The following PTGER4 variants were observed in gnomAD, a reference collection of about 807,000 sequenced individuals.
PTGER4 encodes the protein prostaglandin E2 receptor EP4 subtype.
Under a neutral mutation model 33.2 loss-of-function variants are expected in PTGER4, and 11 were observed. That is an observed-to-expected ratio of 0.33 (90% CI 0.21 to 0.55). The LOEUF is 0.55. Among genes scored for constraint, PTGER4 ranks in the 20% least tolerant of loss-of-function variants. PTGER4 has a pLI of 0.92. For missense variants in PTGER4, 481 were observed against 650.2 expected (o/e 0.74, Z 2.83); for synonymous variants, 275 against 281.5 (o/e 0.98, Z 0.23).
the PTGER4 span, among the ~76,000 whole-genome samples, chr5:40,727,907 C>A: frequency 2.8e-4 from 43 of 152,136 alleles, no homozygotes; most frequent in African/African-American, 9.9e-4. Context: ...TGGATTAATA[C>A]CTTTAAGAAG....
At chr5:40,724,655 C>A in the PTGER4 span, among the ~76,000 whole-genome samples, 11 of 148,720 alleles carry the variant, frequency 7.4e-5, no homozygotes, top group South Asian at 4.2e-4. Flanking sequence ...AACAAACAAA[C>A]AAAAAAAAAC....
chr5:40,697,361 G>A (rs1192331331), downstream of PTGER4, among the ~76,000 whole-genome samples: 7 of 151,982 alleles, frequency 4.6e-5, no homozygotes, highest in South Asian at 2.1e-4. Context: ...CGAGGCAGGC[G>A]GATCACCTGA....
the PTGER4 span, among the ~76,000 whole-genome samples, chr5:40,732,997 G>C: frequency 6.6e-6 from 1 of 151,994 alleles, no homozygotes; most frequent in East Asian, 1.9e-4. Context: ...AGAAAAGAGG[G>C]GACAGATGTA....
chr5:40,718,899 AAAAT>A, the PTGER4 span, among the ~76,000 whole-genome samples: 2 of 152,122 alleles, frequency 1.3e-5, no homozygotes, highest in African/African-American at 2.4e-5. Flanking sequence ...AGACTGTCTC[AAAAT>A]AAATAAATAA....
chr5:40,723,195 C>T, the PTGER4 span, among the ~76,000 whole-genome samples: 3 of 151,982 alleles, frequency 2.0e-5, no homozygotes, highest in East Asian at 1.9e-4. Context: ...GGATTAAGGG[C>T]GGTGCAAGAT....
At chr5:40,688,034 C>T (rs996195282) in intron 2 of PTGER4, among the ~76,000 whole-genome samples, 1 of 152,234 alleles carries the variant, frequency 6.6e-6, no homozygotes, top group Non-Finnish European at 1.5e-5. Flanking sequence ...TTACAACATT[C>T]CAACCTTTCT....
chr5:40,716,923 G>C, the PTGER4 span, among the ~76,000 whole-genome samples: 1 of 152,102 alleles, frequency 6.6e-6, no homozygotes, highest in Non-Finnish European at 1.5e-5. Context: ...CTACATTCTA[G>C]GCACTAAAGA....
rs747797492 is a variant in PTGER4, at chr5:40,692,189, A to C, written c.1278A>C (p.Glu426Asp). 3.1e-6 allele frequency: 5 copies of C among 1,614,126 alleles called. No individual in the cohort carries two copies. In the African/African-American group the frequency reaches 6.7e-5, roughly 22 times the overall value. The part of the protein sequence containing the change: ...PGVPGMGLAQ[E>D]DTTSLRTLRI... ...TGCCTGGCATGGGCCTGGCCCAGGA[A>C]GACACCACCTCACTGAGGACTTTGC... The change falls in exon 3 of 3, where the codon GAA (glutamate) becomes GAC (aspartate). Residue 426 changes from glutamate (E) to aspartate (D), a missense_variant. By Grantham distance (45) the Glu-to-Asp change is conservative (BLOSUM62 2). Coordinates refer to ENST00000302472, the MANE Select transcript of PTGER4 (RefSeq NM_000958.3).
At chr5:40,745,067 A>G in the PTGER4 span, among the ~76,000 whole-genome samples, 1 of 152,198 alleles carries the variant, frequency 6.6e-6, no homozygotes, top group Non-Finnish European at 1.5e-5. Flanking sequence ...AATCAAATAG[A>G]AAATTGGTCT....
At chr5:40,716,051 C>T in the PTGER4 span, 3 of 1,006,432 alleles carry the variant, frequency 3.0e-6, no homozygotes, top group Non-Finnish European at 4.3e-6. Flanking sequence ...TACAACCAGG[C>T]GTTCTCCTAT....
chr5:40,738,444 A>C, the PTGER4 span, among the ~76,000 whole-genome samples: 20,797 of 81,060 alleles, frequency 0.26, 3,341 homozygotes, highest in East Asian at 0.63. Context: ...ATATAAAATA[A>C]AATACAATAC....
Position 40,692,330 on chromosome 5 carries a change from A to C in PTGER4, c.1419A>C (p.Gln473His). 2 of 1,609,178 alleles carry C rather than the reference A, an allele frequency of 1.2e-6. No homozygotes were observed. The highest frequency in any genetic ancestry group is 1.7e-6 in the Non-Finnish European group (2 of 1,177,606). ...AGPAPKGSSLQVTFPSETLNL... is the reference protein window; with the variant it reads ...AGPAPKGSSLHVTFPSETLNL... Reference sequence around the variant, plus strand: ...CTGCCCCTAAGGGGAGCTCCCTGCAAGTCACATTTCCCAGTGAAACACTGA... The same window carrying C: ...CTGCCCCTAAGGGGAGCTCCCTGCACGTCACATTTCCCAGTGAAACACTGA... Residue 473 changes from glutamine (Q) to histidine (H), a missense_variant, in exon 3 of 3, where the codon CAA becomes CAC. Physicochemically the swap from Gln to His is conservative, Grantham distance 24 (BLOSUM62 0). Coordinates refer to ENST00000302472, the MANE Select transcript of PTGER4 (RefSeq NM_000958.3).
At chr5:40,738,648 A>G in the PTGER4 span, among the ~76,000 whole-genome samples, 5 of 151,842 alleles carry the variant, frequency 3.3e-5, no homozygotes, top group South Asian at 1.0e-3. Flanking sequence ...AGGTAAAGCT[A>G]TTTTACATTT....
the PTGER4 span, chr5:40,730,281 A>G: frequency 6.2e-7 from 1 of 1,607,610 alleles, no homozygotes; most frequent in Non-Finnish European, 8.5e-7. Flanking sequence ...CATCTCGTAT[A>G]GGGTAGCATC....
chr5:40,733,501 C>A, the PTGER4 span, among the ~76,000 whole-genome samples: 1 of 152,234 alleles, frequency 6.6e-6, no homozygotes, highest in Non-Finnish European at 1.5e-5. Flanking sequence ...ATCTACTTGG[C>A]CCAACCACTG....
In PTGER4 at chr5:40,693,329, T is replaced by A. The variant is rs187245431; in HGVS notation, c.*951T>A. 308 of 981,252 alleles carry A rather than the reference T, an allele frequency of 3.1e-4. 3 individuals are homozygous for A. The East Asian group carries it at 0.026, about 83-fold the overall frequency. The allele number at this position is 981,252 out of a possible 1,614,324, so 60.8% of individuals were successfully genotyped here. A position where few individuals can be genotyped will look rare whatever the true frequency, so the allele number is the denominator to read the frequency against. On this transcript the variant is annotated 3_prime_UTR_variant, in exon 3 of 3. Transcript: ENST00000302472. ...TGTATAATATAAAAAATTTTAAAAA[T>A]CTAAGCAGCTTATTGTTTCTCTGAA...
At position 40,693,060 on chromosome 5, in the gene PTGER4, T is replaced by C; in HGVS notation, c.*682T>C. 2.2e-6 allele frequency: 2 copies of C among 914,542 alleles called. No homozygotes were observed. Among genetic ancestry groups the C allele is most frequent in the African/African-American group, 3.6e-5 (2 of 55,638 alleles). 56.7% of individuals were successfully genotyped at this position (914,542 alleles called of 1,614,324 possible). On this transcript the variant is annotated 3_prime_UTR_variant, in exon 3 of 3. Coordinates refer to ENST00000302472, the MANE Select transcript of PTGER4 (RefSeq NM_000958.3). ...AAAGAATTTAGTATTATCAAAGGGA[T>C]AAAGAAAAAAATACTATTTAAGATG...
At chr5:40,731,820 C>T in the PTGER4 span, among the ~76,000 whole-genome samples, 4 of 152,176 alleles carry the variant, frequency 2.6e-5, no homozygotes, top group Non-Finnish European at 4.4e-5. Context: ...TAAAATGCTC[C>T]GTTCTTCATG....
rs540995410 is a variant in PTGER4 at position 40,693,476 on chromosome 5, A to T, written c.*1098A>T. On this transcript the variant is annotated 3_prime_UTR_variant, in exon 3 of 3. Coordinates refer to ENST00000302472, the MANE Select transcript of PTGER4 (RefSeq NM_000958.3). ...TAAAAAGATTCCCAAACGTGGTTAC[A>T]TTAGCCATTCATGTATGTCAGAAGT... is the stretch of plus-strand genomic sequence containing the variant. 2.6e-4 allele frequency: 256 copies of T among 986,018 alleles called. 3 individuals are homozygous for T. In the African/African-American group the frequency reaches 4.1e-3, roughly 16 times the overall value. The allele number at this position is 986,018 out of a possible 1,614,324, so 61.1% of individuals were successfully genotyped here.
Sources: allele counts gnomAD v4.1 joint callset (sites outside exome capture counted in the v4.1 genomes callset), GRCh38; gene constraint gnomAD v4.1.1; transcripts MANE v1.5; gene names NCBI Gene and HGNC (gene_info 2026-07-23, HGNC 2026-07-21).